Variants in DIAPH1 observed in about 807,000 individuals in gnomAD.
The protein encoded by DIAPH1 is diaphanous related formin 1, also known as protein diaphanous homolog 1.
Under a neutral mutation model 140.7 loss-of-function variants are expected in DIAPH1, and 46 were observed. The observed-to-expected ratio is 0.33, with a 90% CI of 0.26 to 0.42. The LOEUF is 0.42. DIAPH1 is among the 10% of genes least tolerant of loss of function. The probability of loss-of-function intolerance (pLI) is 1.00; values close to 1 mark genes in which losing one functional copy is unlikely to be tolerated. For missense variants in DIAPH1, 1,310 were observed against 1,558.7 expected, an observed-to-expected ratio of 0.84 and a Z score of 2.69; for synonymous variants, 565 against 551.6, an observed-to-expected ratio of 1.02 and a Z score of -0.34.
intron 18 of DIAPH1, among the ~76,000 whole-genome samples, chr5:141,535,552 T>C (rs2099888880): frequency 6.6e-6 from 1 of 152,248 alleles, no homozygotes; most frequent in African/African-American, 2.4e-5. Context: ...AGTGTGGATA[T>C]TTCTCATCCC....
chr5:141,612,142 AT>A (rs1430895939), intron 1 of DIAPH1, among the ~76,000 whole-genome samples: 8 of 152,268 alleles, frequency 5.3e-5, no homozygotes, highest in Admixed American at 2.6e-4. Context: ...AATGGCTAAA[AT>A]TTAAGACTGA....
At chr5:141,529,087 CAAGGAGCATA>C in intron 21 of DIAPH1, 75 bp downstream of exon 21, 1 of 1,552,198 alleles carries the variant, frequency 6.4e-7, no homozygotes, top group South Asian at 1.1e-5. Context: ...AGACAAGCGG[CAAGGAGCATA>C]TGCCCAGGCT....
chr5:141,574,976 G>A lies in DIAPH1; in HGVS notation c.1632C>T (p.Leu544=). 6.2e-7 allele frequency: 1 copy of A among 1,614,150 alleles called. No individual in the cohort carries two copies. The highest frequency in any genetic ancestry group is 8.5e-7 in the Non-Finnish European group (1 of 1,180,026). The change falls in exon 15 of 28, where the codon CTC becomes CTT. Residue 544 remains leucine, a synonymous_variant. Transcript: ENST00000389054. ...CCTGCTCAGGCATTACCTCTCCTGT[G>A]AGCTGGGACACCTCTGCTTCCAGGT... is the stretch of plus-strand genomic sequence containing the variant. ...KQDLEAEVSQ[L]TGEVAKLTKE...
chr5:141,529,306 G>A (rs2099887854), intron 20 of DIAPH1, 33 bp from the exon 21 acceptor site: 1 of 1,555,178 alleles, frequency 6.4e-7, no homozygotes, highest in Non-Finnish European at 8.9e-7. Flanking sequence ...CAGCTGGAGG[G>A]GAATTCGCTA....
chr5:141,534,209 T>C (rs2099888689), intron 19 of DIAPH1, 126 bp downstream of exon 19: 2 of 748,442 alleles, frequency 2.7e-6, no homozygotes, highest in South Asian at 3.0e-5. Context: ...CACTGTGCAA[T>C]GGTTGGTATA....
At chr5:141,595,670 G>A (rs1384509791) in intron 1 of DIAPH1, among the ~76,000 whole-genome samples, 1 of 152,162 alleles carries the variant, frequency 6.6e-6, no homozygotes, top group African/African-American at 2.4e-5. Context: ...CTTCCATCAT[G>A]ATTGTAAGTT....
chr5:141,607,267 T>G (rs760096223), intron 1 of DIAPH1, among the ~76,000 whole-genome samples: 24 of 152,222 alleles, frequency 1.6e-4, no homozygotes, highest in Non-Finnish European at 2.2e-4. Context: ...AGACTCAGAT[T>G]GTTTCAACAA....
At chr5:141,551,770 G>T (rs2099891721) in intron 18 of DIAPH1, among the ~76,000 whole-genome samples, 2 of 152,122 alleles carry the variant, frequency 1.3e-5, no homozygotes, top group Non-Finnish European at 2.9e-5. Flanking sequence ...ATAGAATACA[G>T]AAAATTCAAA....
chr5:141,600,207 G>A (rs1000999765), intron 1 of DIAPH1, among the ~76,000 whole-genome samples: 1 of 152,224 alleles, frequency 6.6e-6, no homozygotes, highest in African/African-American at 2.4e-5. Flanking sequence ...CAGTTCCCCG[G>A]TGACAGACAG....
At chr5:141,617,630 C>G (rs2099902894) in intron 1 of DIAPH1, among the ~76,000 whole-genome samples, 1 of 152,050 alleles carries the variant, frequency 6.6e-6, no homozygotes, top group South Asian at 2.1e-4. Flanking sequence ...GCATAAATAC[C>G]TGGAAGAGAA....
At chr5:141,517,046 C>T (rs1298673645) in intron 27 of DIAPH1, 38 bp from the exon 28 acceptor site, 4 of 1,611,904 alleles carry the variant, frequency 2.5e-6, no homozygotes, top group African/African-American at 1.3e-5. Flanking sequence ...TATGGAAGGC[C>T]TCATTTCTAA....
chr5:141,602,390 T>A (rs981747802), intron 1 of DIAPH1, among the ~76,000 whole-genome samples: 3 of 152,132 alleles, frequency 2.0e-5, no homozygotes, highest in Non-Finnish European at 2.9e-5. Flanking sequence ...TAATTTTTTG[T>A]ATATTTAGTA....
intron 3 of DIAPH1, among the ~76,000 whole-genome samples, chr5:141,586,419 C>T (rs767156742): frequency 6.6e-6 from 1 of 152,226 alleles, no homozygotes; most frequent in Non-Finnish European, 1.5e-5. Flanking sequence ...ATGCAATATA[C>T]AGGTCTTAGG....
At chr5:141,586,704 T>C (rs954289038) in intron 3 of DIAPH1, among the ~76,000 whole-genome samples, 2 of 152,212 alleles carry the variant, frequency 1.3e-5, no homozygotes, top group Admixed American at 1.3e-4. Flanking sequence ...CTCCACACTT[T>C]ATCTGCTCTG....
intron 1 of DIAPH1, chr5:141,618,325 AAGTT>A (rs1224430090): frequency 6.5e-6 from 1 of 152,908 alleles, no homozygotes; most frequent in African/African-American, 2.4e-5. Flanking sequence ...GGCGGGAGGA[AAGTT>A]AGCAGGTAAA....
In DIAPH1 at chr5:141,615,259, C is replaced by A. The variant is rs946876094; in HGVS notation, c.117+3539G>T. On this transcript the variant is annotated intron_variant, in intron 1 of 27. Transcript: ENST00000389054. ...GACCAGCCTGGCCAACATGGTGAAA[C>A]CAGTCTCTACTAAAAATACAAAAAT... Among the ~76,000 whole-genome samples the A allele has an allele frequency of 6.7e-5, 10 of 149,540 alleles. No homozygotes were observed. In the East Asian group the frequency reaches 7.8e-4, roughly 12 times the overall value.
rs202045699 is a variant in DIAPH1 at position 141,528,436 on chromosome 5, A to T, written c.3148+17T>A. On this transcript the variant is annotated intron_variant, in intron 23 of 27. Transcript: ENST00000389054. Reference sequence around the variant, plus strand: ...GCAGAGACTTTTGGGCTCTAGCTTCATTCCAAACTGCCCCACCTCGGCTGG... The same window carrying T: ...GCAGAGACTTTTGGGCTCTAGCTTCTTTCCAAACTGCCCCACCTCGGCTGG... 1.2e-6 allele frequency: 2 copies of T among 1,614,048 alleles called. No homozygotes were observed. The highest frequency in any genetic ancestry group is 1.3e-5 in the African/African-American group (1 of 75,030).
At position 141,534,326 on chromosome 5, in the gene DIAPH1, G is replaced by A; in HGVS notation, c.2581+9C>T. On this transcript the variant is annotated intron_variant, in intron 19 of 27. Transcript: ENST00000389054. ...ACATTTTGAATAGTTGGGACCAAGA[G>A]ATACTCACAGAGATTCTGGGCTGTC... The A allele has an allele frequency of 6.3e-7, 1 of 1,595,860 alleles. No homozygotes were observed. The highest frequency in any genetic ancestry group is 8.6e-7 in the Non-Finnish European group (1 of 1,163,812).
At chr5:141,597,914 A>C (rs115253169) in intron 1 of DIAPH1, among the ~76,000 whole-genome samples, 1,621 of 152,350 alleles carry the variant, frequency 0.011, 40 homozygotes, top group African/African-American at 0.037. Flanking sequence ...TGGTAAGCTC[A>C]GAAGCAGAAA....
Sources: allele counts gnomAD v4.1 joint callset (sites outside exome capture counted in the v4.1 genomes callset), GRCh38; gene constraint gnomAD v4.1.1; transcripts MANE v1.5; gene names NCBI Gene and HGNC (gene_info 2026-07-23, HGNC 2026-07-21).